The following MDFIC variants were observed in gnomAD, a reference collection of about 807,000 sequenced individuals.
The protein encoded by MDFIC is myoD family inhibitor domain-containing protein.
A neutral mutation model predicts 23.2 loss-of-function variants in MDFIC; 17 were observed. The observed-to-expected ratio is 0.73, with a 90% CI of 0.50 to 1.10. MDFIC has a LOEUF of 1.10. MDFIC is among the 50% of genes least tolerant of loss of function. The probability of loss-of-function intolerance (pLI) is 0.00; values close to 1 mark genes in which losing one functional copy is unlikely to be tolerated. For synonymous variants in MDFIC, 120 were observed against 115.2 expected (o/e 1.04, Z -0.27); for missense variants, 356 against 316.6 (o/e 1.12, Z -0.95).
chr7:115,012,593 G>A (rs1791702335), intron 4 of MDFIC, among the ~76,000 whole-genome samples: 1 of 152,138 alleles, frequency 6.6e-6, no homozygotes, highest in South Asian at 2.1e-4. Context: ...TGTATGTTAG[G>A]AGACTTGGAT....
chr7:114,991,377 T>G (rs1468992217), intron 4 of MDFIC, among the ~76,000 whole-genome samples: 13 of 152,110 alleles, frequency 8.5e-5, no homozygotes, highest in Admixed American at 2.0e-4. Context: ...GTCAATTTTG[T>G]CTTTTGTTGC....
At chr7:114,952,366 T>C (rs1208297722) in intron 3 of MDFIC, among the ~76,000 whole-genome samples, 1 of 151,786 alleles carries the variant, frequency 6.6e-6, no homozygotes, top group Non-Finnish European at 1.5e-5. Context: ...TGAGAGGGGC[T>C]GGTGGAAATC....
At chr7:114,966,970 AT>A (rs899342168) in intron 3 of MDFIC, among the ~76,000 whole-genome samples, 30 of 151,932 alleles carry the variant, frequency 2.0e-4, no homozygotes, top group South Asian at 4.2e-4. Context: ...GGCGTATTGG[AT>A]TTTTTTTTAA....
intron 3 of MDFIC, among the ~76,000 whole-genome samples, chr7:114,974,057 C>A (rs893625322): frequency 7.2e-5 from 11 of 152,062 alleles, no homozygotes; most frequent in Non-Finnish European, 1.3e-4. Context: ...AGCTTCTAGA[C>A]TATGTCAGTA....
chr7:114,923,961 T>C (rs1326089257), intron 2 of MDFIC, among the ~76,000 whole-genome samples: 2 of 152,214 alleles, frequency 1.3e-5, no homozygotes, highest in Admixed American at 1.3e-4. Flanking sequence ...AGGCATAAAC[T>C]GATAGCTTTA....
intron 3 of MDFIC, among the ~76,000 whole-genome samples, chr7:114,953,828 A>G (rs1376502752): frequency 6.6e-6 from 1 of 152,208 alleles, no homozygotes; most frequent in Non-Finnish European, 1.5e-5. Context: ...TATAATACCT[A>G]ATACAATGTA....
chr7:114,948,334 C>T (rs568508156), intron 3 of MDFIC, among the ~76,000 whole-genome samples: 129 of 152,258 alleles, frequency 8.5e-4, no homozygotes, highest in Non-Finnish European at 1.5e-3. Flanking sequence ...ATTTGACTAT[C>T]GTTTACTGAT....
intron 2 of MDFIC, among the ~76,000 whole-genome samples, chr7:114,927,329 T>TC (rs1792213121): frequency 6.6e-6 from 1 of 151,368 alleles, no homozygotes; most frequent in East Asian, 1.9e-4. Context: ...ACAGTCCTTT[T>TC]TTTTTTTTTT....
At chr7:114,925,194 T>A (rs1396879263) in intron 2 of MDFIC, among the ~76,000 whole-genome samples, 2 of 151,980 alleles carry the variant, frequency 1.3e-5, no homozygotes, top group African/African-American at 4.8e-5. Flanking sequence ...CAAAGTTAAA[T>A]ATATATATAT....
At chr7:114,994,758 C>G (rs1359734661) in intron 4 of MDFIC, among the ~76,000 whole-genome samples, 2 of 152,144 alleles carry the variant, frequency 1.3e-5, no homozygotes, top group South Asian at 4.2e-4. Flanking sequence ...GGTAACCAGA[C>G]CTTTCTCTCT....
intron 2 of MDFIC, among the ~76,000 whole-genome samples, chr7:114,926,223 G>A (rs1405660849): frequency 6.6e-6 from 1 of 152,166 alleles, no homozygotes; most frequent in East Asian, 1.9e-4. Flanking sequence ...TATGGGATTT[G>A]TAACTAGAGG....
chr7:114,998,755 T>C (rs773700719), intron 4 of MDFIC, among the ~76,000 whole-genome samples: 2 of 152,202 alleles, frequency 1.3e-5, no homozygotes, highest in Non-Finnish European at 2.9e-5. Flanking sequence ...ACTTAAAAGA[T>C]CTGTTGTTTG....
At chr7:114,962,079 T>C (rs1468802609) in intron 3 of MDFIC, among the ~76,000 whole-genome samples, 10 of 152,186 alleles carry the variant, frequency 6.6e-5, no homozygotes, top group Admixed American at 1.3e-4. Context: ...ATAGATTCTT[T>C]CCAGATTTTT....
chr7:114,951,972 A>G (rs1792784124), intron 3 of MDFIC, among the ~76,000 whole-genome samples: 1 of 152,204 alleles, frequency 6.6e-6, no homozygotes, highest in African/African-American at 2.4e-5. Flanking sequence ...GCATTAAGCC[A>G]GGCACGGGGG....
rs1027590963 is a variant in MDFIC at position 114,923,667 on chromosome 7, G to T, written c.94+540G>T. On this transcript the variant is annotated intron_variant, in intron 2 of 4. Transcript: ENST00000393486. ...AAGGTTTATAAGAAACACTTTCCAA[G>T]AATGAATTAGCTTCTTTGTGTTCTT... 9.9e-6 allele frequency: 14 copies of T among 1,414,704 alleles called. No individual in the cohort carries two copies. In the African/African-American group the frequency reaches 1.0e-4, roughly 10 times the overall value. 87.6% of individuals were successfully genotyped at this position (1,414,704 alleles called of 1,614,324 possible).
chr7:115,005,321 G>T (rs1791548365), intron 4 of MDFIC, among the ~76,000 whole-genome samples: 1 of 152,168 alleles, frequency 6.6e-6, no homozygotes, highest in Admixed American at 6.5e-5. Flanking sequence ...AAGATGGAAG[G>T]GTGATCATTA....
chr7:114,930,203 G>A (rs1028204781), intron 2 of MDFIC, among the ~76,000 whole-genome samples: 9 of 152,304 alleles, frequency 5.9e-5, no homozygotes, highest in Non-Finnish European at 8.8e-5. Context: ...TGATCAGCAT[G>A]GTTGATTGTC....
intron 2 of MDFIC, among the ~76,000 whole-genome samples, chr7:114,924,219 T>A (rs1792145647): frequency 6.6e-6 from 1 of 152,206 alleles, no homozygotes; most frequent in Admixed American, 6.5e-5. Flanking sequence ...AGAACTAGAA[T>A]GATAAACATA....
intron 4 of MDFIC, among the ~76,000 whole-genome samples, chr7:115,009,645 T>G (rs140439018): frequency 1.3e-5 from 2 of 152,374 alleles, no homozygotes; most frequent in African/African-American, 4.8e-5. Flanking sequence ...AGATGCTGTT[T>G]AATTCAGTTC....
Sources: gnomAD v4.1 joint callset for allele counts (sites outside exome capture counted in the v4.1 genomes callset) on GRCh38, gnomAD v4.1.1 for gene constraint, MANE v1.5 for transcripts, NCBI Gene and HGNC (gene_info 2026-07-23, HGNC 2026-07-21) for gene names.